RREB1: variants seen among roughly 807,000 people sequenced by gnomAD.
RREB1 encodes ras-responsive element-binding protein 1.
Under a neutral mutation model 117.8 loss-of-function variants are expected in RREB1, and 27 were observed. That is an observed-to-expected ratio of 0.23 (90% CI 0.17 to 0.32). RREB1 has a LOEUF of 0.32. Ranked by LOEUF, RREB1 falls within the 10% of genes least tolerant of loss-of-function variation. The probability of loss-of-function intolerance (pLI) is 1.00; values close to 1 mark genes in which losing one functional copy is unlikely to be tolerated. For synonymous variants in RREB1, 1,298 were observed against 1,026.7 expected (o/e 1.26, Z -5.05); for missense variants, 2,577 against 2,378.2 (o/e 1.08, Z -1.74).
chr6:7,145,387 C>T lies in RREB1; in HGVS notation c.-284-31268C>T, dbSNP rs1471503099. Among the ~76,000 whole-genome samples the T allele has an allele frequency of 2.6e-5, 4 of 152,154 alleles. No individual in the cohort carries two copies. The East Asian group carries it at 7.7e-4, about 29-fold the overall frequency. Reference sequence around the variant, plus strand: ...GCTTAAAATGGCAACTGAAACATCACCAGGAATTTTCACCAGGTAGAAACT... The same window carrying T: ...GCTTAAAATGGCAACTGAAACATCATCAGGAATTTTCACCAGGTAGAAACT... On this transcript the variant is annotated intron_variant, in intron 1 of 12. Transcript: ENST00000379938.
chr6:7,188,196 T>A (rs1392504611), intron 5 of RREB1, among the ~76,000 whole-genome samples: 1 of 150,160 alleles, frequency 6.7e-6, no homozygotes, highest in African/African-American at 2.5e-5. Flanking sequence ...AATAAATAAA[T>A]AAAATAAAAT....
chr6:7,114,810 C>T (rs1581399750), intron 1 of RREB1, among the ~76,000 whole-genome samples: 1 of 152,096 alleles, frequency 6.6e-6, no homozygotes, highest in Non-Finnish European at 1.5e-5. Flanking sequence ...TTTGAAAACC[C>T]CGTAGTAAAT....
intron 1 of RREB1, among the ~76,000 whole-genome samples, chr6:7,137,090 C>T (rs1762373525): frequency 6.6e-6 from 1 of 152,236 alleles, no homozygotes; most frequent in Non-Finnish European, 1.5e-5. Flanking sequence ...GACGGGAGTG[C>T]CTCAACATGG....
At chr6:7,199,654 A>AT (rs1283830558) in intron 6 of RREB1, among the ~76,000 whole-genome samples, 1 of 149,720 alleles carries the variant, frequency 6.7e-6, no homozygotes, top group Non-Finnish European at 1.5e-5. Context: ...TGTGTGTGTG[A>AT]TTTTTTTGTT....
rs765578607 is a variant in RREB1 at position 7,231,786 on chromosome 6, C to T, written c.3687C>T (p.Asp1229=). ...SDEEQGSPPE[D]KLLRAKRNSY... is the part of the protein sequence containing the mutation. ...AAGAGCAGGGCAGTCCCCCAGAAGA[C>T]AAGCTGCTGAGGGCCAAGCGGAACT... The change falls in exon 10 of 13, where the codon GAC becomes GAT. Residue 1229 remains aspartate, a synonymous_variant. Transcript: ENST00000379938. 8.1e-6 allele frequency: 13 copies of T among 1,613,680 alleles called. No individual in the cohort carries two copies. The highest frequency in any genetic ancestry group is 1.1e-5 in the Non-Finnish European group (13 of 1,180,036).
At chr6:7,157,568 C>T (rs948597722) in intron 1 of RREB1, among the ~76,000 whole-genome samples, 5 of 150,498 alleles carry the variant, frequency 3.3e-5, no homozygotes, top group African/African-American at 9.8e-5. Context: ...CCCAGGAGTT[C>T]GAGACCAGCC....
chr6:7,161,299 A>G lies in RREB1; in HGVS notation c.-284-15356A>G, dbSNP rs139604051. Among the ~76,000 whole-genome samples the G allele has an allele frequency of 3.9e-5, 6 of 152,312 alleles. No individual in the cohort carries two copies. The East Asian group carries it at 5.8e-4, about 15-fold the overall frequency. ...ATGAACTGAAACTCTAGTCAACACT[A>G]GGCAAAGTAAGTTACTTTGAGATCC... On this transcript the variant is annotated intron_variant, in intron 1 of 12. Transcript: ENST00000379938.
chr6:7,217,908 C>T (rs1322951091), intron 8 of RREB1: 1 of 152,108 alleles, frequency 6.6e-6, no homozygotes, highest in Non-Finnish European at 1.5e-5. Flanking sequence ...AACATGAAAG[C>T]AATTTGTCCT....
At chr6:7,213,528 C>T (rs1208731943) in intron 8 of RREB1, 2 of 152,244 alleles carry the variant, frequency 1.3e-5, no homozygotes, top group Non-Finnish European at 2.9e-5. Context: ...TATGGCCCCT[C>T]CCTGTGTAGG....
chr6:7,150,420 G>GT (rs752904002), intron 1 of RREB1, among the ~76,000 whole-genome samples: 20 of 152,086 alleles, frequency 1.3e-4, no homozygotes, highest in African/African-American at 4.3e-4. Flanking sequence ...TGTGTTTTGG[G>GT]TTTTTTCTCC....
At chr6:7,243,029 A>G (rs1205604220) in intron 11 of RREB1, among the ~76,000 whole-genome samples, 1 of 152,208 alleles carries the variant, frequency 6.6e-6, no homozygotes, top group Admixed American at 6.5e-5. Flanking sequence ...AGGCACCTAC[A>G]TAGGGCTGTT....
chr6:7,190,350 A>G (rs1379675216), intron 6 of RREB1, among the ~76,000 whole-genome samples: 2 of 152,150 alleles, frequency 1.3e-5, no homozygotes, highest in East Asian at 1.9e-4. Context: ...AATCGTACCT[A>G]CATCACTGGA....
intron 9 of RREB1, among the ~76,000 whole-genome samples, chr6:7,228,679 AT>A (rs377645284): frequency 6.7e-6 from 1 of 148,186 alleles, no homozygotes; most frequent in African/African-American, 2.5e-5. Flanking sequence ...TAATTTTCTT[AT>A]TTTTTTTTAT....
intron 6 of RREB1, among the ~76,000 whole-genome samples, chr6:7,202,211 C>G (rs80334326): frequency 6.6e-6 from 1 of 152,138 alleles, no homozygotes; most frequent in Non-Finnish European, 1.5e-5. Context: ...CCCTTGTGGG[C>G]GCATGGCCGA....
intron 1 of RREB1, among the ~76,000 whole-genome samples, chr6:7,156,742 A>G (rs964113788): frequency 6.6e-6 from 1 of 152,214 alleles, no homozygotes; most frequent in Admixed American, 6.5e-5. Context: ...AACAGCTGGA[A>G]TATAGTTGCA....
intron 1 of RREB1, among the ~76,000 whole-genome samples, chr6:7,132,787 A>G (rs1762204924): frequency 6.6e-6 from 1 of 151,736 alleles, no homozygotes; most frequent in Non-Finnish European, 1.5e-5. Context: ...CACACTATAA[A>G]TACCCCGTGT....
At chr6:7,246,313 G>C in intron 11 of RREB1, 111 bp from the exon 12 acceptor site, 2 of 951,796 alleles carry the variant, frequency 2.1e-6, no homozygotes, top group South Asian at 2.0e-5. Context: ...GTCCTCACTG[G>C]TTTGGGGTTC....
chr6:7,198,109 A>G (rs1210804219), intron 6 of RREB1, among the ~76,000 whole-genome samples: 1 of 152,182 alleles, frequency 6.6e-6, no homozygotes, highest in Non-Finnish European at 1.5e-5. Context: ...GTGAACTTCC[A>G]TCATGGTCGT....
intron 1 of RREB1, among the ~76,000 whole-genome samples, chr6:7,170,633 C>T (rs2113494131): frequency 6.6e-6 from 1 of 152,348 alleles, no homozygotes; most frequent in Non-Finnish European, 1.5e-5. Context: ...TGTCTGAAGC[C>T]TACCTCTGAT....
Sources: gnomAD v4.1 joint callset for allele counts (sites outside exome capture counted in the v4.1 genomes callset) on GRCh38, gnomAD v4.1.1 for gene constraint, MANE v1.5 for transcripts, NCBI Gene and HGNC (gene_info 2026-07-23, HGNC 2026-07-21) for gene names.